The following FADS6 variants were observed in gnomAD, a reference collection of about 807,000 sequenced individuals.
The protein encoded by FADS6 is fatty acid desaturase domain family, member 6.
In FADS6, 28 loss-of-function variants were observed where a neutral mutation model predicts 31.7. The ratio of observed to expected loss-of-function variants is 0.88; its 90% CI spans 0.66 to 1.21. The LOEUF is 1.21. FADS6 is among the 50% of genes most tolerant of loss of function. FADS6 has a pLI of 0.00. For missense variants in FADS6, 494 were observed against 504.2 expected (o/e 0.98, Z 0.19); for synonymous variants, 191 against 213.1 (o/e 0.90, Z 0.90).
chr17:74,881,306 C>G lies in FADS6; in HGVS notation c.593-51G>C, dbSNP rs2144708927. ...AGGCTCAGATCCATCAGGAGGGGCT[C>G]CCTGCTGGCTCAAGCGTGCTAAAGC... On this transcript the variant is annotated intron_variant, in intron 3 of 5. Transcript: ENST00000612771. 3 of 1,503,130 alleles carry G rather than the reference C, an allele frequency of 2.0e-6. No individual in the cohort carries two copies. In the South Asian group the frequency reaches 3.8e-5, roughly 19 times the overall value. The allele number at this position is 1,503,130 out of a possible 1,614,324, so 93.1% of individuals were successfully genotyped here. A position where few individuals can be genotyped will look rare whatever the true frequency, so the allele number is the denominator to read the frequency against.
intron 2 of FADS6, among the ~76,000 whole-genome samples, chr17:74,889,307 C>G (rs2038663599): frequency 1.3e-5 from 2 of 152,158 alleles, no homozygotes; most frequent in Non-Finnish European, 2.9e-5. Flanking sequence ...AAGATGTCTC[C>G]TGAGCGTCAA....
At position 74,892,604 on chromosome 17, in the gene FADS6, G is replaced by C. The variant is rs1163282540; in HGVS notation, c.330C>G (p.Val110=). Residue 110 remains valine, a synonymous_variant, in exon 2 of 6, where the codon GTC becomes GTG. Coordinates refer to ENST00000612771, the MANE Select transcript of FADS6 (RefSeq NM_178128.6). ...CATGAGTGGCCAGGTGGCTGCCCTTGACAGTGAGTGTGTAGTGGCACACAC... is the reference window on the plus strand; with the variant it reads ...CATGAGTGGCCAGGTGGCTGCCCTTCACAGTGAGTGTGTAGTGGCACACAC... ...ILGVCHYTLT[V]KGSHLATHGA... is the part of the protein sequence containing the mutation. 8 of 1,613,254 alleles carry C rather than the reference G, an allele frequency of 5.0e-6. No individual in the cohort carries two copies. Among genetic ancestry groups the C allele is most frequent in the Non-Finnish European group, 4.2e-6 (5 of 1,179,640 alleles).
chr17:74,878,158 A>C lies in FADS6; in HGVS notation c.*173T>G. ...CCCTCAAAACCCAGAAAAGCACGCA[A>C]GGCAGGTGGCCCCCAGACCCCAGGC... On this transcript the variant is annotated 3_prime_UTR_variant, in exon 6 of 6. Coordinates refer to ENST00000612771, the MANE Select transcript of FADS6 (RefSeq NM_178128.6). 1 of 1,421,948 alleles carries C rather than the reference A, an allele frequency of 7.0e-7. No homozygotes were observed. The highest frequency in any genetic ancestry group is 9.1e-7 in the Non-Finnish European group (1 of 1,093,230). 88.1% of individuals were successfully genotyped at this position (1,421,948 alleles called of 1,614,324 possible).
chr17:74,880,988 C>T, intron 4 of FADS6, 80 bp downstream of exon 4: 6 of 1,434,902 alleles, frequency 4.2e-6, no homozygotes, highest in Non-Finnish European at 5.6e-6. Context: ...CTCTCCTCAA[C>T]CTAGAGTCCA....
intron 4 of FADS6, 25 bp from the exon 5 acceptor site, chr17:74,879,608 C>A: frequency 6.3e-7 from 1 of 1,598,468 alleles, no homozygotes; most frequent in Non-Finnish European, 8.5e-7. Flanking sequence ...TGGGTCACGC[C>A]GGGCAGCCTG....
intron 4 of FADS6, 82 bp downstream of exon 4, chr17:74,880,986 A>C: frequency 7.1e-7 from 1 of 1,415,682 alleles, no homozygotes; most frequent in Non-Finnish European, 9.5e-7. Context: ...CTCTCTCCTC[A>C]ACCTAGAGTC....
At chr17:74,888,145 C>CGCGCGCGCGCGG (rs1567928480) in intron 2 of FADS6, among the ~76,000 whole-genome samples, 6 of 108,774 alleles carry the variant, frequency 5.5e-5, no homozygotes, top group South Asian at 3.8e-4. Flanking sequence ...CACACACACA[C>CGCGCGCGCGCGG]ACACACACAC....
intron 4 of FADS6, among the ~76,000 whole-genome samples, chr17:74,880,191 G>A (rs1297657642): frequency 6.6e-6 from 1 of 152,096 alleles, no homozygotes; most frequent in East Asian, 1.9e-4. Context: ...AAATGACGCT[G>A]GAGCTGAATG....
chr17:74,892,790 T>G (rs1396814726), intron 1 of FADS6, 101 bp from the exon 2 acceptor site: 1 of 1,246,532 alleles, frequency 8.0e-7, no homozygotes, highest in African/African-American at 1.5e-5. Flanking sequence ...TAAAGTGGGC[T>G]AGGCTCTGGG....
chr17:74,888,928 C>A (rs1190824169), intron 2 of FADS6, among the ~76,000 whole-genome samples: 7 of 152,226 alleles, frequency 4.6e-5, no homozygotes, highest in Admixed American at 3.3e-4. Flanking sequence ...TGGCAGTCCC[C>A]ATGGTGACCC....
chr17:74,892,502 T>C lies in FADS6; in HGVS notation c.411+21A>G, dbSNP rs1384924879. 48 of 1,606,002 alleles carry C rather than the reference T, an allele frequency of 3.0e-5. No individual in the cohort carries two copies. The Admixed American group carries it at 8.0e-4, about 27-fold the overall frequency. ...CACACGGTCCCAGCAGCTGCCTGCA[T>C]CCTCCTTCTCCCAGGCTCACCTCCA... On this transcript the variant is annotated intron_variant, in intron 2 of 5. Transcript: ENST00000612771.
rs754713904 is a variant in FADS6, at chr17:74,880,900, A to G, written c.780+168T>C. Among the ~76,000 whole-genome samples the G allele has an allele frequency of 1.1e-4, 17 of 152,218 alleles. 1 individual carries two copies. The highest frequency in any genetic ancestry group is 2.2e-4 in the Non-Finnish European group (15 of 68,036). On this transcript the variant is annotated intron_variant, in intron 4 of 5. Coordinates refer to ENST00000612771, the MANE Select transcript of FADS6 (RefSeq NM_178128.6). Reference sequence around the variant, plus strand: ...GATCTTGACTGCTGAGAGGGCAGGCAGGGTCTCTCCAGGACGAGGCGAGGG... The same window carrying G: ...GATCTTGACTGCTGAGAGGGCAGGCGGGGTCTCTCCAGGACGAGGCGAGGG...
At position 74,877,743 on chromosome 17, in the gene FADS6, G is replaced by A. The variant is rs1242471917; in HGVS notation, c.*588C>T. On this transcript the variant is annotated 3_prime_UTR_variant, in exon 6 of 6. Transcript: ENST00000612771. ...TCACTTTTATCTTGCTGATACTGTG[G>A]CCTGGGGAACTGCTGAGCCAGTGTC... The A allele has an allele frequency of 3.0e-6, 3 of 985,478 alleles. No homozygotes were observed. The highest frequency in any genetic ancestry group is 3.6e-6 in the Non-Finnish European group (3 of 830,062). The allele number at this position is 985,478 out of a possible 1,614,324, so 61.0% of individuals were successfully genotyped here. A position where few individuals can be genotyped will look rare whatever the true frequency, so the allele number is the denominator to read the frequency against.
intron 2 of FADS6, among the ~76,000 whole-genome samples, chr17:74,888,530 G>A (rs190472196): frequency 5.9e-5 from 9 of 152,260 alleles, no homozygotes; most frequent in Admixed American, 2.0e-4. Context: ...CCAGGATCAC[G>A]ACTTAGGCGG....
rs73997537 is a variant in FADS6, at chr17:74,877,827, A to G, written c.*504T>C. The G allele has an allele frequency of 0.023, 23,024 of 986,178 alleles. 3,245 individuals carry two copies. The African/African-American group carries it at 0.33, about 14-fold the overall frequency. The allele number at this position is 986,178 out of a possible 1,614,324, so 61.1% of individuals were successfully genotyped here. A position where few individuals can be genotyped will look rare whatever the true frequency, so the allele number is the denominator to read the frequency against. The stretch of plus-strand genomic sequence containing the variant: ...GGCCTGCCAAAAGCAAGCTCACCCT[A>G]AGGTCCCCGGGGAGAGGGCACCTTG... On this transcript the variant is annotated 3_prime_UTR_variant, in exon 6 of 6. Coordinates refer to ENST00000612771, the MANE Select transcript of FADS6 (RefSeq NM_178128.6).
At chr17:74,882,005 G>A (rs910443628) in intron 3 of FADS6, among the ~76,000 whole-genome samples, 2 of 149,898 alleles carry the variant, frequency 1.3e-5, no homozygotes, top group Non-Finnish European at 3.0e-5. Context: ...GTGAGATCTC[G>A]GCTCACTGCA....
intron 2 of FADS6, among the ~76,000 whole-genome samples, chr17:74,888,157 C>T (rs1000510358): frequency 2.8e-5 from 3 of 108,912 alleles, no homozygotes; most frequent in Non-Finnish European, 5.0e-5. Context: ...CACACACACG[C>T]GCGCGCGCGC....
rs1433413981 is a variant in FADS6 at position 74,893,633 on chromosome 17, T to C, written c.-38A>G. 7.8e-7 allele frequency: 1 copy of C among 1,278,234 alleles called. No homozygotes were observed. Among genetic ancestry groups the C allele is most frequent in the Non-Finnish European group, 1.0e-6 (1 of 997,870 alleles). The allele number at this position is 1,278,234 out of a possible 1,614,324, so 79.2% of individuals were successfully genotyped here. On this transcript the variant is annotated 5_prime_UTR_variant, in exon 1 of 6. Transcript: ENST00000612771. ...CTCGGGCCCGACGCGCACGGAGGAC[T>C]GGAGGACTGGGGCGTGTGTCTGCGG...
At chr17:74,888,126 CCA>C (rs1165268903) in intron 2 of FADS6, among the ~76,000 whole-genome samples, 13,397 of 127,074 alleles carry the variant, frequency 0.11, 765 homozygotes, top group East Asian at 0.13. Flanking sequence ...AGCTGAGACA[CCA>C]CACACACACA....
Sources: allele counts gnomAD v4.1 joint callset (sites outside exome capture counted in the v4.1 genomes callset), GRCh38; gene constraint gnomAD v4.1.1; transcripts MANE v1.5; gene names NCBI Gene and HGNC (gene_info 2026-07-23, HGNC 2026-07-21).